HERC4: variants seen among roughly 807,000 people sequenced by gnomAD.
HERC4 encodes probable E3 ubiquitin-protein ligase HERC4.
A neutral mutation model predicts 124.3 loss-of-function variants in HERC4; 28 were observed. The ratio of observed to expected loss-of-function variants is 0.23; its 90% CI spans 0.17 to 0.31. The LOEUF (loss-of-function observed/expected upper bound fraction) is 0.31. Ranked by LOEUF, HERC4 falls within the 10% of genes least tolerant of loss-of-function variation. The pLI is 1.00. For missense variants in HERC4, 713 were observed against 1,229.3 expected (o/e 0.58, Z 6.28); for synonymous variants, 407 against 421.5 (o/e 0.97, Z 0.42).
At chr10:67,941,167 T>C in intron 19 of HERC4, 62 bp from the exon 20 acceptor site, 10 of 1,194,684 alleles carry the variant, frequency 8.4e-6, no homozygotes, top group Non-Finnish European at 1.1e-5. Context: ...TTTTCTAAGA[T>C]TACATAAATA....
chr10:67,938,741 C>T (rs939674551), intron 21 of HERC4, among the ~76,000 whole-genome samples: 7 of 151,850 alleles, frequency 4.6e-5, no homozygotes, highest in African/African-American at 1.7e-4. Flanking sequence ...GTCAGGAGTT[C>T]GAGACCAGCC....
chr10:67,968,030 C>T (rs1053966781), intron 15 of HERC4, among the ~76,000 whole-genome samples: 1 of 151,940 alleles, frequency 6.6e-6, no homozygotes, highest in Non-Finnish European at 1.5e-5. Flanking sequence ...AAACTCTAGA[C>T]AATACATTAA....
At chr10:67,943,352 A>G (rs1377009115) in intron 19 of HERC4, among the ~76,000 whole-genome samples, 2 of 152,230 alleles carry the variant, frequency 1.3e-5, no homozygotes, top group Non-Finnish European at 2.9e-5. Flanking sequence ...AAGGGAGGTA[A>G]GAGCAATAAA....
chr10:67,945,895 GA>G (rs761629139), intron 19 of HERC4, among the ~76,000 whole-genome samples: 13 of 151,590 alleles, frequency 8.6e-5, no homozygotes, highest in Non-Finnish European at 1.9e-4. Flanking sequence ...TCACAAAAAG[GA>G]ATGGAATAGG....
At chr10:68,055,721 T>C (rs918119372) in intron 3 of HERC4, among the ~76,000 whole-genome samples, 3 of 152,012 alleles carry the variant, frequency 2.0e-5, no homozygotes, top group African/African-American at 7.2e-5. Context: ...TTCCAAAATA[T>C]AGTTTTATTT....
At chr10:68,061,879 T>TAAAAAAAAAAAAA (rs71470503) in intron 3 of HERC4, among the ~76,000 whole-genome samples, 4 of 54,888 alleles carry the variant, frequency 7.3e-5, no homozygotes, top group African/African-American at 3.3e-4. Flanking sequence ...AGACTCCATT[T>TAAAAAAAAAAAAA]AAAAAAAAAA....
chr10:68,039,851 A>G (rs1015192638), intron 4 of HERC4: 131 of 995,158 alleles, frequency 1.3e-4, no homozygotes, highest in Middle Eastern at 5.1e-4. Context: ...GTATTTTAGG[A>G]AAAAAAAACA....
At chr10:67,930,855 T>C (rs1217614920) in intron 23 of HERC4, among the ~76,000 whole-genome samples, 2 of 152,200 alleles carry the variant, frequency 1.3e-5, no homozygotes, top group Middle Eastern at 3.4e-3. Flanking sequence ...AATTTTTGTA[T>C]TTTTAGTAGG....
chr10:67,950,144 C>T (rs1054564059), intron 19 of HERC4, among the ~76,000 whole-genome samples: 7 of 152,112 alleles, frequency 4.6e-5, no homozygotes, highest in African/African-American at 1.7e-4. Flanking sequence ...ATTTCCTTAA[C>T]ACCATAAAGG....
At chr10:67,971,851 A>AT (rs1311971058) in intron 15 of HERC4, among the ~76,000 whole-genome samples, 1 of 152,206 alleles carries the variant, frequency 6.6e-6, no homozygotes, top group Non-Finnish European at 1.5e-5. Context: ...GAATCAATCT[A>AT]TAAGAGAATT....
At chr10:68,025,394 T>C in intron 8 of HERC4, 152 bp downstream of exon 8, 2 of 701,294 alleles carry the variant, frequency 2.9e-6, no homozygotes, top group South Asian at 5.5e-5. Flanking sequence ...AAAAGATGTT[T>C]CTCCTGTTAC....
chr10:68,022,363 G>A (rs1387867240), intron 8 of HERC4, among the ~76,000 whole-genome samples: 2 of 152,126 alleles, frequency 1.3e-5, no homozygotes, highest in African/African-American at 4.8e-5. Context: ...GTCGGGCAAG[G>A]TGGCGCATGC....
chr10:67,975,963 TAAAAG>T (rs2035561609), intron 15 of HERC4, among the ~76,000 whole-genome samples: 1 of 151,404 alleles, frequency 6.6e-6, no homozygotes, highest in Non-Finnish European at 1.5e-5. Context: ...ATTTTCATCC[TAAAAG>T]AAGGGGTCGG....
intron 9 of HERC4, chr10:68,010,489 G>C: frequency 4.2e-6 from 4 of 954,958 alleles, no homozygotes; most frequent in Non-Finnish European, 5.0e-6. Context: ...TCCTTCTAGA[G>C]CCCAAGCTGC....
intron 19 of HERC4, among the ~76,000 whole-genome samples, chr10:67,953,198 A>G (rs2033922312): frequency 6.6e-6 from 1 of 152,200 alleles, no homozygotes; most frequent in Admixed American, 6.5e-5. Context: ...GGCATTTTAT[A>G]TTATTGTAAA....
At chr10:68,053,595 G>A in intron 3 of HERC4, among the ~76,000 whole-genome samples, 1 of 152,042 alleles carries the variant, frequency 6.6e-6, no homozygotes, top group Non-Finnish European at 1.5e-5. Flanking sequence ...CCGGCCTGGG[G>A]ACCATTTTAA....
rs1589170682 is a variant in HERC4, at chr10:67,955,124, T to C, written c.2032A>G (p.Ile678Val). ...TDAVLQMQMA[I>V]DQAHRQNVSS... ...ACATTCTGCCTGTGGGCCTGATCAATAGCCATCTGGAAAACAAAAGATTAA... is the reference window on the plus strand; with the variant it reads ...ACATTCTGCCTGTGGGCCTGATCAACAGCCATCTGGAAAACAAAAGATTAA... The change falls in exon 18 of 25, where the codon ATT becomes GTT. Residue 678 changes from isoleucine to valine, a missense_variant. Ile to Val is a conservative substitution (Grantham distance 29, BLOSUM62 3). Coordinates refer to ENST00000373700, the MANE Select transcript of HERC4 (RefSeq NM_015601.4). The C allele has an allele frequency of 1.9e-6, 3 of 1,572,978 alleles. No homozygotes were observed. Among genetic ancestry groups the C allele is most frequent in the Non-Finnish European group, 2.6e-6 (3 of 1,165,656 alleles).
chr10:68,020,785 AG>A (rs2038576469), intron 8 of HERC4, among the ~76,000 whole-genome samples: 1 of 142,850 alleles, frequency 7.0e-6, no homozygotes, highest in Non-Finnish European at 1.5e-5. Context: ...AAAAAAAAAA[AG>A]TTTGGAGTTG....
chr10:68,046,601 T>C (rs548992039), intron 3 of HERC4, among the ~76,000 whole-genome samples: 2 of 152,302 alleles, frequency 1.3e-5, no homozygotes, highest in Admixed American at 1.3e-4. Context: ...GGAGGTGAGA[T>C]AAAGATTGTG....
Sources: gnomAD v4.1 joint callset for allele counts (sites outside exome capture counted in the v4.1 genomes callset) on GRCh38, gnomAD v4.1.1 for gene constraint, MANE v1.5 for transcripts, NCBI Gene and HGNC (gene_info 2026-07-23, HGNC 2026-07-21) for gene names.